CREB3L2: variants seen among roughly 807,000 people sequenced by gnomAD.
The protein encoded by CREB3L2 is cyclic AMP-responsive element-binding protein 3-like protein 2.
A neutral mutation model predicts 57.2 loss-of-function variants in CREB3L2; 23 were observed. That is an observed-to-expected ratio of 0.40 (90% CI 0.29 to 0.57). The LOEUF (loss-of-function observed/expected upper bound fraction) is 0.57, where lower values mean the gene tolerates loss of function less well. Ranked by LOEUF, CREB3L2 falls within the 20% of genes least tolerant of loss-of-function variation. CREB3L2 has a pLI of 0.42. For missense variants in CREB3L2, 628 were observed against 634.7 expected (o/e 0.99, Z 0.11); for synonymous variants, 268 against 265.1 (o/e 1.01, Z -0.11).
At position 137,885,491 on chromosome 7, in the gene CREB3L2, T is replaced by C. The variant is rs751004373; in HGVS notation, c.1055A>G (p.Gln352Arg). Residue 352 changes from glutamine (Q) to arginine (R), a missense_variant, in exon 9 of 12, where the codon CAG (glutamine) becomes CGG (arginine). This residue lies in a region of CREB3L2 where 272 missense variants were observed against 242.7 expected (regional missense o/e 1.12). Transcript: ENST00000330387. ...VLENTNRTLL[Q>R]QLQKLQTLVM... ...CAAAGTCTGAAGCTTCTGGAGTTGCTGAAGGAGAGTCCTGCCAATGATAAC... is the reference window on the plus strand; with the variant it reads ...CAAAGTCTGAAGCTTCTGGAGTTGCCGAAGGAGAGTCCTGCCAATGATAAC... 5 of 1,613,394 alleles carry C rather than the reference T, an allele frequency of 3.1e-6. No individual in the cohort carries two copies. The highest frequency in any genetic ancestry group is 1.6e-4 in the Middle Eastern group (1 of 6,082).
At chr7:137,945,954 G>A (rs1395669785) in intron 1 of CREB3L2, among the ~76,000 whole-genome samples, 1 of 151,998 alleles carries the variant, frequency 6.6e-6, no homozygotes, top group Non-Finnish European at 1.5e-5. Flanking sequence ...CTCATGACTT[G>A]AGCCACCAGC....
chr7:137,955,413 T>G, intron 1 of CREB3L2: 1 of 718,238 alleles, frequency 1.4e-6, no homozygotes, highest in Non-Finnish European at 2.1e-6. Flanking sequence ...CTCACTCCTC[T>G]CCCCTTAATC....
intron 1 of CREB3L2, among the ~76,000 whole-genome samples, chr7:137,987,191 A>T (rs1427577093): frequency 6.6e-6 from 1 of 152,206 alleles, no homozygotes; most frequent in Non-Finnish European, 1.5e-5. Flanking sequence ...AACTACAAAG[A>T]TCGGAGTCAG....
At chr7:137,909,167 G>A (rs916774660) in intron 4 of CREB3L2, among the ~76,000 whole-genome samples, 25 of 152,216 alleles carry the variant, frequency 1.6e-4, no homozygotes, top group African/African-American at 5.5e-4. Context: ...GGTCATGCCC[G>A]CAGGCAAGAC....
chr7:137,912,734 T>C, intron 4 of CREB3L2: 1 of 1,047,148 alleles, frequency 9.5e-7, no homozygotes, highest in Non-Finnish European at 1.4e-6. Flanking sequence ...TTTTGAAAAA[T>C]ATCACCCTGG....
intron 8 of CREB3L2, among the ~76,000 whole-genome samples, chr7:137,897,617 C>T (rs576571270): frequency 6.6e-6 from 1 of 152,212 alleles, no homozygotes; most frequent in East Asian, 1.9e-4. Context: ...CCTGCCTCGG[C>T]CTCCCAAAGT....
At chr7:137,986,848 G>T (rs2117322035) in intron 1 of CREB3L2, among the ~76,000 whole-genome samples, 1 of 152,354 alleles carries the variant, frequency 6.6e-6, no homozygotes, top group South Asian at 2.1e-4. Context: ...AAACCAAATG[G>T]TTTTTTGGCA....
At chr7:137,977,563 CAGAT>C (rs1361559452) in intron 1 of CREB3L2, among the ~76,000 whole-genome samples, 3 of 151,960 alleles carry the variant, frequency 2.0e-5, no homozygotes, top group East Asian at 1.9e-4. Flanking sequence ...CAATAAATGA[CAGAT>C]AGATTATCTA....
chr7:137,885,301 G>A, intron 9 of CREB3L2, 102 bp downstream of exon 9: 1 of 1,225,698 alleles, frequency 8.2e-7, no homozygotes, highest in Non-Finnish European at 1.2e-6. Flanking sequence ...CCTCCATGTG[G>A]TTTCTCCTAC....
chr7:137,975,628 C>T (rs560185719), intron 1 of CREB3L2, among the ~76,000 whole-genome samples: 54 of 152,270 alleles, frequency 3.5e-4, no homozygotes, highest in East Asian at 1.2e-3. Context: ...AAGTAGCACA[C>T]GGCATACTTC....
chr7:137,893,340 G>C (rs918628751), intron 8 of CREB3L2, among the ~76,000 whole-genome samples: 3 of 152,230 alleles, frequency 2.0e-5, no homozygotes, highest in Admixed American at 6.5e-5. Flanking sequence ...ATATTTCCAT[G>C]TGGAAAGAAA....
In CREB3L2 at chr7:137,912,972, A is replaced by G. The variant is rs1800047041; in HGVS notation, c.583+19T>C. ...GACCATATCCATAACCCAAAGGGAC[A>G]CAGGGAGGGCAGACAGACCTTCTTT... On this transcript the variant is annotated intron_variant, in intron 4 of 11. Coordinates refer to ENST00000330387, the MANE Select transcript of CREB3L2 (RefSeq NM_194071.4). 1 of 1,613,330 alleles carries G rather than the reference A, an allele frequency of 6.2e-7. No individual in the cohort carries two copies. The highest frequency in any genetic ancestry group is 1.3e-5 in the African/African-American group (1 of 75,040).
intron 1 of CREB3L2, chr7:137,955,170 C>T (rs1652837570): frequency 3.1e-6 from 2 of 645,548 alleles, no homozygotes; most frequent in South Asian, 2.9e-5. Context: ...AGATACGCTA[C>T]TACTTCATCA....
chr7:137,935,526 G>A (rs1208493743), intron 1 of CREB3L2, among the ~76,000 whole-genome samples: 2 of 152,134 alleles, frequency 1.3e-5, no homozygotes, highest in East Asian at 3.9e-4. Flanking sequence ...CCTTTTCTTT[G>A]ATGTTCCTTT....
chr7:138,002,032 T>A lies in CREB3L2; in HGVS notation c.-327A>T. On this transcript the variant is annotated 5_prime_UTR_variant, in exon 1 of 12. The change creates a new upstream start codon in the 5' untranslated region. Coordinates refer to ENST00000330387, the MANE Select transcript of CREB3L2 (RefSeq NM_194071.4). Reference sequence around the variant, plus strand: ...GAAAATCCCTTAGCCGCAAGCCCACTTGCCGCTACGGCTCCAGACACAAAC... The same window carrying A: ...GAAAATCCCTTAGCCGCAAGCCCACATGCCGCTACGGCTCCAGACACAAAC... 1 of 321,532 alleles carries A rather than the reference T, an allele frequency of 3.1e-6. No individual in the cohort carries two copies. Among genetic ancestry groups the A allele is most frequent in the Non-Finnish European group, 5.8e-6 (1 of 172,908 alleles). 19.9% of individuals were successfully genotyped at this position (321,532 alleles called of 1,614,324 possible).
intron 1 of CREB3L2, among the ~76,000 whole-genome samples, chr7:137,930,143 C>T (rs983370600): frequency 3.9e-5 from 6 of 152,084 alleles, no homozygotes; most frequent in African/African-American, 1.2e-4. Context: ...GTGATCCGCC[C>T]GTCTTGGCCT....
intron 1 of CREB3L2, among the ~76,000 whole-genome samples, chr7:137,938,357 G>T (rs1339167342): frequency 6.6e-6 from 1 of 152,038 alleles, no homozygotes; most frequent in East Asian, 1.9e-4. Flanking sequence ...TTGTTTGTTT[G>T]TTTTTTGAGA....
rs1295090913 is a variant in CREB3L2, at chr7:137,928,274, C to T, written c.195G>A (p.Glu65=). Residue 65 remains glutamate, a synonymous_variant, in exon 2 of 12, where the codon GAG becomes GAA. Transcript: ENST00000330387. ...PFLSEKSVSM[E]VEPSPTSPAP... ...CCGGGGACGTCGGGGAAGGTTCCAC[C>T]TCCATTGACACACTCTTCTCTGAGA... 6.2e-7 allele frequency: 1 copy of T among 1,614,044 alleles called. No homozygotes were observed. The highest frequency in any genetic ancestry group is 8.5e-7 in the Non-Finnish European group (1 of 1,179,994).
chr7:137,960,339 C>T (rs577354921), intron 1 of CREB3L2, among the ~76,000 whole-genome samples: 1 of 152,056 alleles, frequency 6.6e-6, no homozygotes, highest in Non-Finnish European at 1.5e-5. Flanking sequence ...CATAAGAATG[C>T]AAGCTTAAAA....
Sources: gnomAD v4.1 joint callset for allele counts (sites outside exome capture counted in the v4.1 genomes callset) on GRCh38, gnomAD v4.1.1 for gene constraint, gnomAD v4.1.1 regional missense constraint, MANE v1.5 for transcripts, NCBI Gene and HGNC (gene_info 2026-07-23, HGNC 2026-07-21) for gene names.